ABHD16A: variants seen among roughly 807,000 people sequenced by gnomAD.
ABHD16A encodes phosphatidylserine lipase ABHD16A.
A neutral mutation model predicts 89.8 loss-of-function variants in ABHD16A; 47 were observed. The observed-to-expected ratio is 0.52, with a 90% CI of 0.41 to 0.67. The LOEUF (loss-of-function observed/expected upper bound fraction) is 0.67. Among genes scored for constraint, ABHD16A ranks in the 30% least tolerant of loss-of-function variants. ABHD16A has a pLI of 0.00. For missense variants in ABHD16A, 580 were observed against 734.6 expected, an observed-to-expected ratio of 0.79 and a Z score of 2.43; for synonymous variants, 251 against 280.4, an observed-to-expected ratio of 0.90 and a Z score of 1.05.
In ABHD16A at chr6:31,689,717, G is replaced by A. The variant is rs1474039904; in HGVS notation, c.958-13C>T. On this transcript the variant is annotated splice_polypyrimidine_tract_variant and intron_variant, in intron 11 of 19. Coordinates refer to ENST00000395952, the MANE Select transcript of ABHD16A (RefSeq NM_021160.3). ...GGAATGGCACCCCCTGCAGGAGAAAGGGCAAAGTCAGGAGTGTGTCAGCAC... is the reference window on the plus strand; with the variant it reads ...GGAATGGCACCCCCTGCAGGAGAAAAGGCAAAGTCAGGAGTGTGTCAGCAC... 1.9e-6 allele frequency: 3 copies of A among 1,605,126 alleles called. No individual in the cohort carries two copies. Among genetic ancestry groups the A allele is most frequent in the Non-Finnish European group, 2.6e-6 (3 of 1,175,904 alleles).
At chr6:31,699,352 T>A (rs1365328419) in intron 4 of ABHD16A, among the ~76,000 whole-genome samples, 1 of 132,082 alleles carries the variant, frequency 7.6e-6, no homozygotes, top group Non-Finnish European at 1.5e-5. Context: ...GAGCTTGCAG[T>A]GAGCCGAGAT....
chr6:31,700,937 C>T lies in ABHD16A; in HGVS notation c.343+5G>A. ...AGATTCAAACCAGGTTTCCTCTCCA[C>T]CTACCTCGGAGGCAGGCCACACCTG... On this transcript the variant is annotated splice_donor_5th_base_variant and intron_variant, in intron 4 of 19. Transcript: ENST00000395952. The T allele has an allele frequency of 6.2e-7, 1 of 1,612,244 alleles. No homozygotes were observed. Among genetic ancestry groups the T allele is most frequent in the Non-Finnish European group, 8.5e-7 (1 of 1,178,354 alleles).
intron 11 of ABHD16A, 63 bp from the exon 12 acceptor site, chr6:31,689,767 C>A: frequency 6.4e-7 from 1 of 1,552,880 alleles, no homozygotes; most frequent in Admixed American, 1.9e-5. Context: ...CCTGTCCCTC[C>A]CAACGTGGAC....
Position 31,689,567 on chromosome 6 carries a change from A to G in ABHD16A, c.1081+14T>C, listed in dbSNP as rs753537590. On this transcript the variant is annotated intron_variant, in intron 12 of 19. Coordinates refer to ENST00000395952, the MANE Select transcript of ABHD16A (RefSeq NM_021160.3). ...GAATGTGTCTACAGTGGGGGATGGG[A>G]GGGAGGCTGGTACCAGTGAAGCCGC... is the stretch of plus-strand genomic sequence containing the variant. 7.6e-6 allele frequency: 12 copies of G among 1,573,422 alleles called. No homozygotes were observed. Among genetic ancestry groups the G allele is most frequent in the Middle Eastern group, 1.7e-4 (1 of 5,960 alleles).
In ABHD16A at chr6:31,687,841, G is replaced by A. The variant is rs778721730; in HGVS notation, c.1430C>T (p.Ser477Phe). Reference protein sequence around the residue: ...LRVVRQWLEASSQLEEASIYS... With the variant: ...LRVVRQWLEAFSQLEEASIYS... The stretch of plus-strand genomic sequence containing the variant: ...CTTCTCACCTTCCTCCAGCTGTGAG[G>A]AGGCCTCCAACCACTGCCTCACCAC... Residue 477 changes from serine (S) to phenylalanine (F), a missense_variant, in exon 17 of 20, where the codon TCC becomes TTC. Ser to Phe is a radical substitution (Grantham distance 155). Transcript: ENST00000395952. This position sits in a 1 kb window ranked among gnomAD's most constrained non-coding sequence, Gnocchi z 6.3. 1.2e-5 allele frequency: 20 copies of A among 1,612,934 alleles called. No homozygotes were observed. The highest frequency in any genetic ancestry group is 1.7e-5 in the Non-Finnish European group (20 of 1,180,026).
chr6:31,691,924 G>A lies in ABHD16A; in HGVS notation c.627-6C>T, dbSNP rs760182096. On this transcript the variant is annotated splice_polypyrimidine_tract_variant and splice_region_variant and intron_variant, in intron 7 of 19. Coordinates refer to ENST00000395952, the MANE Select transcript of ABHD16A (RefSeq NM_021160.3). ...GGGTGTGCGCCACCAGGTAGCTGTG[G>A]GGAACACAGGTTAACAAACCCCAAC... The A allele has an allele frequency of 3.1e-6, 5 of 1,597,104 alleles. No individual in the cohort carries two copies. The South Asian group carries it at 4.5e-5, about 14-fold the overall frequency.
chr6:31,691,187 C>T (rs1481616952), intron 9 of ABHD16A, among the ~76,000 whole-genome samples: 3 of 152,118 alleles, frequency 2.0e-5, no homozygotes, highest in East Asian at 1.9e-4. Context: ...ACCAGCTCTA[C>T]CACTTACTGT....
Position 31,688,603 on chromosome 6 carries a change from C to A in ABHD16A, c.1250+120G>T. On this transcript the variant is annotated intron_variant, in intron 14 of 19. Transcript: ENST00000395952. The surrounding 1 kb of genome is among the most constrained non-coding windows in gnomAD (Gnocchi z 4.9). The stretch of plus-strand genomic sequence containing the variant: ...CAGTTGAGGTGGTGGCAGGGTCACT[C>A]AGGATGTGAGCCAGTGGCCTTTTAC... 7.5e-6 allele frequency: 9 copies of A among 1,203,340 alleles called. No homozygotes were observed. Among genetic ancestry groups the A allele is most frequent in the Admixed American group, 6.1e-5 (3 of 48,972 alleles). The allele number at this position is 1,203,340 out of a possible 1,614,324, so 74.5% of individuals were successfully genotyped here. A position where few individuals can be genotyped will look rare whatever the true frequency, so the allele number is the denominator to read the frequency against.
rs566154591 is a variant in ABHD16A at position 31,688,698 on chromosome 6, A to G, written c.1250+25T>C. ...GAGCTGTATGGGGGGCAGGTGTTCA[A>G]TGCCGGACGCTGGCCGGCCCTCACC... On this transcript the variant is annotated intron_variant, in intron 14 of 19. Coordinates refer to ENST00000395952, the MANE Select transcript of ABHD16A (RefSeq NM_021160.3). The surrounding 1 kb of genome is among the most constrained non-coding windows in gnomAD (Gnocchi z 4.9). The G allele has an allele frequency of 6.2e-7, 1 of 1,612,300 alleles. No individual in the cohort carries two copies. Among genetic ancestry groups the G allele is most frequent in the African/African-American group, 1.3e-5 (1 of 75,040 alleles).
chr6:31,691,336 G>A, intron 9 of ABHD16A: 1 of 515,932 alleles, frequency 1.9e-6, no homozygotes. Context: ...ATATATATAA[G>A]TGTGAAGTGC....
chr6:31,689,868 A>G (rs1183116233), intron 11 of ABHD16A, among the ~76,000 whole-genome samples, 164 bp from the exon 12 acceptor site: 1 of 152,052 alleles, frequency 6.6e-6, no homozygotes, highest in Non-Finnish European at 1.5e-5. Flanking sequence ...GATGTGTACA[A>G]TGAGATCTAC....
rs1278575747 is a variant in ABHD16A, at chr6:31,687,804, C to G, written c.1447+20G>C. On this transcript the variant is annotated intron_variant, in intron 17 of 19. Transcript: ENST00000395952. The surrounding 1 kb of genome is among the most constrained non-coding windows in gnomAD (Gnocchi z 6.3). Reference sequence around the variant, plus strand: ...ACCTTGCTGGGCCCCCGCCCCAAGCCTCACTGGATCCCTTCTCACCTTCCT... The same window carrying G: ...ACCTTGCTGGGCCCCCGCCCCAAGCGTCACTGGATCCCTTCTCACCTTCCT... The G allele has an allele frequency of 1.1e-5, 18 of 1,612,996 alleles. No individual in the cohort carries two copies. Among genetic ancestry groups the G allele is most frequent in the Non-Finnish European group, 1.5e-5 (18 of 1,180,006 alleles).
At position 31,703,235 on chromosome 6, in the gene ABHD16A, A is replaced by G; in HGVS notation, c.47T>C (p.Ile16Thr). 1.4e-6 allele frequency: 2 copies of G among 1,436,482 alleles called. No individual in the cohort carries two copies. Among genetic ancestry groups the G allele is most frequent in the Non-Finnish European group, 1.8e-6 (2 of 1,084,398 alleles). The allele number at this position is 1,436,482 out of a possible 1,614,324, so 89.0% of individuals were successfully genotyped here. A position where few individuals can be genotyped will look rare whatever the true frequency, so the allele number is the denominator to read the frequency against. The change falls in exon 1 of 20, where the codon ATC (isoleucine) becomes ACC (threonine). Residue 16 changes from isoleucine (I) to threonine (T), a missense_variant. Coordinates refer to ENST00000395952, the MANE Select transcript of ABHD16A (RefSeq NM_021160.3). ...SCVLGPRLYK[I>T]YRERDSERAP... ...CCTTTCAGAGTCCCTCTCCCGGTAG[A>G]TTTTGTAGAGCCGGGGGCCTAGGAC...
Position 31,687,569 on chromosome 6 carries a change from A to T in ABHD16A, c.1547-25T>A. 6.2e-7 allele frequency: 1 copy of T among 1,612,944 alleles called. No homozygotes were observed. Among genetic ancestry groups the T allele is most frequent in the African/African-American group, 1.3e-5 (1 of 74,974 alleles). ...CCTGCAGAGAGGAGGCGCTCAAAAT[A>T]GGCCACACATCTGGGTATTCATCCC... On this transcript the variant is annotated intron_variant, in intron 18 of 19. Transcript: ENST00000395952. The surrounding 1 kb of genome is among the most constrained non-coding windows in gnomAD (Gnocchi z 6.3).
intron 4 of ABHD16A, among the ~76,000 whole-genome samples, chr6:31,699,374 A>C (rs1451248759): frequency 4.4e-5 from 6 of 136,902 alleles, no homozygotes; most frequent in East Asian, 2.2e-4. Flanking sequence ...GCGCCACTGC[A>C]CTCCAGCCTG....
At position 31,697,001 on chromosome 6, in the gene ABHD16A, G is replaced by T; in HGVS notation, c.376C>A (p.Gln126Lys). The change falls in exon 5 of 20, where the codon CAG (glutamine) becomes AAG (lysine). Residue 126 changes from glutamine (Q) to lysine (K), a missense_variant. Gln to Lys is a moderately conservative substitution (Grantham distance 53). Coordinates refer to ENST00000395952, the MANE Select transcript of ABHD16A (RefSeq NM_021160.3). Reference sequence around the variant, plus strand: ...GTTGCTTCCAAGATGGTGATGAACTGCCGGTACTGGGGGTTGGTCCAGCGG... The same window carrying T: ...GTTGCTTCCAAGATGGTGATGAACTTCCGGTACTGGGGGTTGGTCCAGCGG... ...IGRWTNPQYR[Q>K]FITILEATHR... 6.2e-7 allele frequency: 1 copy of T among 1,613,092 alleles called. No homozygotes were observed. Among genetic ancestry groups the T allele is most frequent in the Non-Finnish European group, 8.5e-7 (1 of 1,180,018 alleles).
intron 7 of ABHD16A, among the ~76,000 whole-genome samples, chr6:31,692,523 T>G (rs1199483443): frequency 6.6e-6 from 1 of 152,196 alleles, no homozygotes; most frequent in African/African-American, 2.4e-5. Flanking sequence ...TATTTGGGAT[T>G]TACCATGTGC....
rs1804567322 is a variant in ABHD16A at position 31,698,078 on chromosome 6, C to T, written c.344-1045G>A. 6.6e-6 allele frequency among the ~76,000 whole-genome samples: 1 copy of T among 151,980 alleles called. No homozygotes were observed. The highest frequency in any genetic ancestry group is 2.1e-4 in the South Asian group (1 of 4,826). On this transcript the variant is annotated intron_variant, in intron 4 of 19. Transcript: ENST00000395952. This position sits in a 1 kb window ranked among gnomAD's most constrained non-coding sequence, Gnocchi z 4.1. The stretch of plus-strand genomic sequence containing the variant: ...AGAATGATTTGTACAACATTTATGC[C>T]AAAAATGTAAAATGTGCAAAATAAT...
rs1184666606 is a variant in ABHD16A at position 31,689,049 on chromosome 6, C to T, written c.1152G>A (p.Val384=). The change falls in exon 13 of 20, where the codon GTG becomes GTA. Residue 384 remains valine, a synonymous_variant. Transcript: ENST00000395952. ...CTGGCATGACCTTCAAGGCCAAGGGCACCAGGTCATCAAAGGAGGCATCCA... is the reference window on the plus strand; with the variant it reads ...CTGGCATGACCTTCAAGGCCAAGGGTACCAGGTCATCAAAGGAGGCATCCA... ...MILDASFDDL[V]PLALKVMPDS... The T allele has an allele frequency of 3.7e-6, 6 of 1,614,032 alleles. No homozygotes were observed. Among genetic ancestry groups the T allele is most frequent in the East Asian group, 2.2e-5 (1 of 44,874 alleles).
Sources: gnomAD v4.1 joint callset for allele counts (sites outside exome capture counted in the v4.1 genomes callset) on GRCh38, gnomAD v4.1.1 for gene constraint, Gnocchi (gnomAD v3.1) non-coding constraint, MANE v1.5 for transcripts, NCBI Gene and HGNC (gene_info 2026-07-23, HGNC 2026-07-21) for gene names.